PDSS2: variants seen among roughly 807,000 people sequenced by gnomAD.
The protein encoded by PDSS2 is all trans-polyprenyl-diphosphate synthase PDSS2.
In PDSS2, 31 loss-of-function variants were observed where a neutral mutation model predicts 44.5. The observed-to-expected ratio is 0.70, with a 90% CI of 0.52 to 0.94. The LOEUF (loss-of-function observed/expected upper bound fraction) is 0.94. Among genes scored for constraint, PDSS2 ranks in the 40% least tolerant of loss-of-function variants. The pLI is 0.00. For synonymous variants in PDSS2, 157 were observed against 180.3 expected (o/e 0.87, Z 1.03); for missense variants, 452 against 482.2 (o/e 0.94, Z 0.59).
At chr6:107,361,586 C>G (rs961038665) in intron 1 of PDSS2, among the ~76,000 whole-genome samples, 1 of 152,172 alleles carries the variant, frequency 6.6e-6, no homozygotes, top group African/African-American at 2.4e-5. Flanking sequence ...CCCTACCACC[C>G]CTGCCCTAAA....
At chr6:107,166,883 A>G (rs1771370208) in intron 7 of PDSS2, among the ~76,000 whole-genome samples, 1 of 152,124 alleles carries the variant, frequency 6.6e-6, no homozygotes, top group African/African-American at 2.4e-5. Flanking sequence ...GTTTGCCAGT[A>G]TTTTATTGAG....
At chr6:107,260,035 GACA>G (rs901320691) in intron 3 of PDSS2, among the ~76,000 whole-genome samples, 82 of 152,178 alleles carry the variant, frequency 5.4e-4, no homozygotes, top group Non-Finnish European at 1.3e-4. Context: ...CCATAGGAAT[GACA>G]ACAAACAATT....
intron 1 of PDSS2, among the ~76,000 whole-genome samples, chr6:107,440,854 T>C (rs1283268406): frequency 6.6e-6 from 1 of 152,218 alleles, no homozygotes; most frequent in Non-Finnish European, 1.5e-5. Context: ...GACTATTTCA[T>C]GTCTATCTAA....
At chr6:107,216,338 T>C (rs1185357628) in intron 4 of PDSS2, among the ~76,000 whole-genome samples, 2 of 151,464 alleles carry the variant, frequency 1.3e-5, no homozygotes, top group Non-Finnish European at 2.9e-5. Context: ...CCGGGCATGG[T>C]GAAGTACTCC....
intron 4 of PDSS2, among the ~76,000 whole-genome samples, chr6:107,232,155 T>TA (rs1321471423): frequency 6.6e-6 from 1 of 152,144 alleles, no homozygotes; most frequent in Non-Finnish European, 1.5e-5. Context: ...GAGTAATAAC[T>TA]AAAACAGAAT....
intron 1 of PDSS2, among the ~76,000 whole-genome samples, chr6:107,404,854 AC>A: frequency 6.6e-6 from 1 of 152,268 alleles, no homozygotes; most frequent in East Asian, 1.9e-4. Flanking sequence ...AGTCTGGAAA[AC>A]CTTTTTAAAG....
intron 1 of PDSS2, among the ~76,000 whole-genome samples, chr6:107,346,880 T>G (rs1001484181): frequency 6.6e-6 from 1 of 152,246 alleles, no homozygotes. Flanking sequence ...TCTGGTGTAT[T>G]GATAGAGTTC....
intron 1 of PDSS2, among the ~76,000 whole-genome samples, chr6:107,410,917 T>TCAC (rs1413251263): frequency 1.2e-4 from 18 of 148,566 alleles, no homozygotes; most frequent in Middle Eastern, 3.8e-3. Flanking sequence ...AGACAGAGTC[T>TCAC]TATGCCGCCC....
At chr6:107,299,926 A>C (rs1372833424) in intron 2 of PDSS2, among the ~76,000 whole-genome samples, 14 of 152,116 alleles carry the variant, frequency 9.2e-5, no homozygotes, top group Admixed American at 9.2e-4. Context: ...AAAGGAAGTA[A>C]TCTCCCAATT....
At chr6:107,342,968 ATTTTAT>A (rs1048921095) in intron 1 of PDSS2, among the ~76,000 whole-genome samples, 2 of 152,100 alleles carry the variant, frequency 1.3e-5, no homozygotes, top group Non-Finnish European at 2.9e-5. Context: ...GAGTGGTACG[ATTTTAT>A]TTTTATTTTT....
intron 7 of PDSS2, among the ~76,000 whole-genome samples, chr6:107,173,530 C>T (rs570502139): frequency 2.3e-4 from 31 of 133,934 alleles, no homozygotes; most frequent in African/African-American, 6.0e-4. Context: ...GCCGAGATCG[C>T]GCCACTGCAC....
chr6:107,169,122 C>T (rs142277175), intron 7 of PDSS2, among the ~76,000 whole-genome samples: 10,601 of 151,962 alleles, frequency 0.07, 1,248 homozygotes, highest in African/African-American at 0.24. Flanking sequence ...ACCAATCAGA[C>T]GTAGATTTGG....
intron 3 of PDSS2, among the ~76,000 whole-genome samples, chr6:107,258,900 C>T (rs1478261009): frequency 4.1e-4 from 62 of 152,096 alleles, no homozygotes; most frequent in Admixed American, 4.1e-3. Context: ...CCATAAATTC[C>T]AGGATTGATA....
chr6:107,399,704 AATG>A (rs1452629224), intron 1 of PDSS2, among the ~76,000 whole-genome samples: 8 of 152,182 alleles, frequency 5.3e-5, no homozygotes, highest in Non-Finnish European at 1.0e-4. Context: ...TTTATGAAAA[AATG>A]ATAATAGATA....
intron 1 of PDSS2, among the ~76,000 whole-genome samples, chr6:107,445,168 T>C (rs961205196): frequency 6.0e-5 from 9 of 151,042 alleles, no homozygotes; most frequent in African/African-American, 1.9e-4. Context: ...TTATATATAA[T>C]TTTTTATAAA....
At chr6:107,454,639 CT>C (rs397812708) in intron 1 of PDSS2, among the ~76,000 whole-genome samples, 104 of 145,722 alleles carry the variant, frequency 7.1e-4, no homozygotes, top group East Asian at 3.8e-3. Flanking sequence ...TGGTGGTTTC[CT>C]TTTTTTTTTT....
chr6:107,170,500 G>A (rs1401136390), intron 7 of PDSS2, among the ~76,000 whole-genome samples: 1 of 151,970 alleles, frequency 6.6e-6, no homozygotes, highest in Non-Finnish European at 1.5e-5. Flanking sequence ...GCCCCAGTGA[G>A]ATGAACCCGG....
intron 1 of PDSS2, among the ~76,000 whole-genome samples, chr6:107,376,740 T>C: frequency 6.6e-6 from 1 of 152,052 alleles, no homozygotes; most frequent in East Asian, 1.9e-4. Context: ...CCTAATTGAA[T>C]ACCCTTTATT....
Position 107,260,654 on chromosome 6 carries a change from CTTCATT to C in PDSS2, c.630+13369_630+13374del, listed in dbSNP as rs1775182343. ...AAAATTAATTAAATCAGTCTTCCCC[CTTCATT>C]TTTTTTTTTTTTTTTTTTTTTGAGA... On this transcript the variant is annotated intron_variant, in intron 3 of 7. Transcript: ENST00000369037. Among the ~76,000 whole-genome samples, 32 of 143,038 alleles carry C rather than the reference CTTCATT, an allele frequency of 2.2e-4. No homozygotes were observed. In the South Asian group the frequency reaches 7.0e-3, roughly 31 times the overall value. The allele number at this position is 143,038 out of a possible 152,430, so 93.8% of individuals were successfully genotyped here.
Sources: allele counts gnomAD v4.1 joint callset (sites outside exome capture counted in the v4.1 genomes callset), GRCh38; gene constraint gnomAD v4.1.1; transcripts MANE v1.5; gene names NCBI Gene and HGNC (gene_info 2026-07-23, HGNC 2026-07-21).